RNF144B: variants seen among roughly 807,000 people sequenced by gnomAD.
The protein encoded by RNF144B is ring finger protein 144B, also known as E3 ubiquitin-protein ligase RNF144B.
Under a neutral mutation model 40.2 loss-of-function variants are expected in RNF144B, and 25 were observed. The observed-to-expected ratio is 0.62, with a 90% confidence interval of 0.45 to 0.87. The LOEUF is 0.87. RNF144B is among the 40% of genes least tolerant of loss of function. The pLI, the probability that RNF144B is intolerant of heterozygous loss-of-function variation, is 0.00. For missense variants in RNF144B, 365 were observed against 373.7 expected, an observed-to-expected ratio of 0.98 and a Z score of 0.19; for synonymous variants, 145 against 136.3, an observed-to-expected ratio of 1.06 and a Z score of -0.44.
At position 18,465,993 on chromosome 6, in the gene RNF144B, G is replaced by A. The variant is rs775123936; in HGVS notation, c.*926G>A. 6.6e-6 allele frequency: 1 copy of A among 152,164 alleles called. No individual in the cohort carries two copies. Among genetic ancestry groups the A allele is most frequent in the African/African-American group, 2.4e-5 (1 of 41,440 alleles). 9.4% of individuals were successfully genotyped at this position (152,164 alleles called of 1,614,324 possible). On this transcript the variant is annotated 3_prime_UTR_variant, in exon 8 of 8. Transcript: ENST00000259939. ...ACATGGAGGGTAAATATTAAAGTGC[G>A]TATTATGTACATCTAGAATCCATGT...
chr6:18,387,730 AT>A, intron 1 of RNF144B, 100 bp downstream of exon 1: 1 of 1,035,496 alleles, frequency 9.7e-7, no homozygotes, highest in South Asian at 1.5e-5. Context: ...TGACACCACA[AT>A]TTTTCGATTT....
intron 2 of RNF144B, among the ~76,000 whole-genome samples, chr6:18,413,250 C>T (rs1048661603): frequency 5.3e-5 from 8 of 152,142 alleles, no homozygotes; most frequent in Non-Finnish European, 1.2e-4. Flanking sequence ...CCATATTTGG[C>T]TTTTGTGATC....
At chr6:18,421,434 A>G (rs577293597) in intron 2 of RNF144B, among the ~76,000 whole-genome samples, 4 of 152,198 alleles carry the variant, frequency 2.6e-5, no homozygotes, top group Admixed American at 6.5e-5. Context: ...ATGTGTTCCA[A>G]TGACTAAGTG....
intron 4 of RNF144B, among the ~76,000 whole-genome samples, chr6:18,440,795 G>GT (rs11393909): frequency 0.45 from 50,523 of 113,120 alleles, 9,006 homozygotes; most frequent in Middle Eastern, 0.51. Flanking sequence ...TTTTTGTGGT[G>GT]TTTTTTTTTT....
rs939628114 is a variant in RNF144B at position 18,464,802 on chromosome 6, G to A, written c.772-125G>A. The A allele has an allele frequency of 3.4e-5, 31 of 920,992 alleles. No individual in the cohort carries two copies. In the African/African-American group the frequency reaches 4.3e-4, roughly 13 times the overall value. 57.1% of individuals were successfully genotyped at this position (920,992 alleles called of 1,614,324 possible). ...AATACCGTCACATCGGGGATTTAGG[G>A]TTTCAACATATGAGCTTCAGGGGGA... On this transcript the variant is annotated intron_variant, in intron 7 of 7. Transcript: ENST00000259939. The surrounding 1 kb of genome is among the most constrained non-coding windows in gnomAD (Gnocchi z 6.1).
rs151124896 is a variant in RNF144B, at chr6:18,399,605, C to T, written c.71C>T (p.Pro24Leu). 3.4e-4 allele frequency: 555 copies of T among 1,613,990 alleles called. No homozygotes were observed. The highest frequency in any genetic ancestry group is 4.2e-4 in the Non-Finnish European group (499 of 1,180,002). The stretch of plus-strand genomic sequence containing the variant: ...AATCCCACTCCTGGAGACCTGGCTC[C>T]GGCCCCCCTCATCACTTGCAAACTC... ...AENPTPGDLAPAPLITCKLCL... is the reference protein window; with the variant it reads ...AENPTPGDLALAPLITCKLCL... The change falls in exon 2 of 8, where the codon CCG becomes CTG. Residue 24 changes from proline (P) to leucine (L), a missense_variant. By Grantham distance (98) the Pro-to-Leu change is moderately conservative. Coordinates refer to ENST00000259939, the MANE Select transcript of RNF144B (RefSeq NM_182757.4).
intron 1 of RNF144B, among the ~76,000 whole-genome samples, chr6:18,393,345 T>C (rs553522591): frequency 6.6e-5 from 10 of 152,288 alleles, no homozygotes; most frequent in Admixed American, 2.0e-4. Flanking sequence ...GCTACAACAC[T>C]GGCCACAAAG....
At chr6:18,432,036 C>G (rs1160561200) in intron 3 of RNF144B, among the ~76,000 whole-genome samples, 1 of 152,206 alleles carries the variant, frequency 6.6e-6, no homozygotes, top group Non-Finnish European at 1.5e-5. Flanking sequence ...AATATTTTTA[C>G]TGAACACGTG....
intron 2 of RNF144B, among the ~76,000 whole-genome samples, chr6:18,420,155 C>T (rs535108846): frequency 0.022 from 328 of 14,958 alleles, 3 homozygotes; most frequent in Middle Eastern, 0.17. Flanking sequence ...TTTCGGGTTT[C>T]TGATTTTTTT....
In RNF144B at chr6:18,419,552, A is replaced by G. The variant is rs569720029; in HGVS notation, c.166-8029A>G. ...ACTAGAGAGGAAGAATGAAAACCAG[A>G]AGAGTATGGGATCCAGAAGACAAGG... On this transcript the variant is annotated intron_variant, in intron 2 of 7. Transcript: ENST00000259939. This position sits in a 1 kb window ranked among gnomAD's most constrained non-coding sequence, Gnocchi z 4.6. 8.5e-5 allele frequency among the ~76,000 whole-genome samples: 13 copies of G among 152,238 alleles called. No individual in the cohort carries two copies. Among genetic ancestry groups the G allele is most frequent in the African/African-American group, 2.9e-4 (12 of 41,540 alleles).
At chr6:18,437,420 C>T (rs1758848868) in intron 3 of RNF144B, among the ~76,000 whole-genome samples, 1 of 152,006 alleles carries the variant, frequency 6.6e-6, no homozygotes, top group African/African-American at 2.4e-5. Flanking sequence ...CCTGGGTTGA[C>T]AAAGTGAGAC....
intron 2 of RNF144B, among the ~76,000 whole-genome samples, chr6:18,426,727 A>G (rs182470813): frequency 4.6e-5 from 6 of 130,502 alleles, no homozygotes; most frequent in Admixed American, 7.4e-5. Flanking sequence ...TTTCTATTCA[A>G]TTTCTTCTCT....
At position 18,426,692 on chromosome 6, in the gene RNF144B, A is replaced by G. The variant is rs1758562511; in HGVS notation, c.166-889A>G. Among the ~76,000 whole-genome samples the G allele has an allele frequency of 1.4e-5, 2 of 143,906 alleles. 1 individual carries two copies. Among genetic ancestry groups the G allele is most frequent in the Admixed American group, 1.4e-4 (2 of 14,642 alleles). The allele number at this position is 143,906 out of a possible 152,430, so 94.4% of individuals were successfully genotyped here. A position where few individuals can be genotyped will look rare whatever the true frequency, so the allele number is the denominator to read the frequency against. The stretch of plus-strand genomic sequence containing the variant: ...TTTCTTCTCTGGTTTTCTTTTTTCT[A>G]TTCAGTTTCTTCTGTGGGTTTCTTT... On this transcript the variant is annotated intron_variant, in intron 2 of 7. Transcript: ENST00000259939.
At chr6:18,435,493 C>G (rs990555694) in intron 3 of RNF144B, among the ~76,000 whole-genome samples, 2 of 152,142 alleles carry the variant, frequency 1.3e-5, no homozygotes, top group Admixed American at 6.5e-5. Flanking sequence ...AGAAAAATCA[C>G]TAAGCAAATA....
rs72832497 is a variant in RNF144B, at chr6:18,459,269, G to A, written c.537-338G>A. Among the ~76,000 whole-genome samples the A allele has an allele frequency of 0.017, 2,654 of 152,298 alleles. 38 individuals carry two copies. Among genetic ancestry groups the A allele is most frequent in the Middle Eastern group, 0.027 (8 of 294 alleles). On this transcript the variant is annotated intron_variant, in intron 5 of 7. Coordinates refer to ENST00000259939, the MANE Select transcript of RNF144B (RefSeq NM_182757.4). The surrounding 1 kb of genome is among the most constrained non-coding windows in gnomAD (Gnocchi z 4.2). ...CCATTAGATAGATTATATACGCCCA[G>A]TTTGGACCCTGACCTAGTTTCTCTG...
intron 6 of RNF144B, among the ~76,000 whole-genome samples, chr6:18,462,136 A>T (rs1040614292): frequency 1.3e-4 from 20 of 152,056 alleles, no homozygotes; most frequent in African/African-American, 4.8e-4. Context: ...TCTTTTCCTT[A>T]CTACCCCTCT....
chr6:18,427,137 G>A (rs1001584950), intron 2 of RNF144B, among the ~76,000 whole-genome samples: 1 of 152,182 alleles, frequency 6.6e-6, no homozygotes. Flanking sequence ...AAATGTCACT[G>A]CCTTAAGCTT....
intron 3 of RNF144B, among the ~76,000 whole-genome samples, chr6:18,436,227 T>C (rs935306663): frequency 2.6e-5 from 4 of 152,132 alleles, no homozygotes; most frequent in Non-Finnish European, 5.9e-5. Flanking sequence ...TACAAATAAC[T>C]GGCCTGGACT....
Position 18,392,905 on chromosome 6 carries a change from G to T in RNF144B, c.-37+5275G>T, listed in dbSNP as rs954766638. ...TTCTTTTAAAAAGGGCAGATCATGAGGTCAGGAGATCAAGACCATCCTGGC... is the reference window on the plus strand; with the variant it reads ...TTCTTTTAAAAAGGGCAGATCATGATGTCAGGAGATCAAGACCATCCTGGC... On this transcript the variant is annotated intron_variant, in intron 1 of 7. Coordinates refer to ENST00000259939, the MANE Select transcript of RNF144B (RefSeq NM_182757.4). Among the ~76,000 whole-genome samples the T allele has an allele frequency of 8.6e-5, 13 of 151,966 alleles. 1 individual carries two copies. Among genetic ancestry groups the T allele is most frequent in the Admixed American group, 7.2e-4 (11 of 15,254 alleles).
Sources: allele counts gnomAD v4.1 joint callset (sites outside exome capture counted in the v4.1 genomes callset), GRCh38; gene constraint gnomAD v4.1.1; non-coding constraint Gnocchi (gnomAD v3.1); transcripts MANE v1.5; gene names NCBI Gene and HGNC (gene_info 2026-07-23, HGNC 2026-07-21).